The following SLC35D1 variants were observed in gnomAD, a reference collection of about 807,000 sequenced individuals.
The protein encoded by SLC35D1 is nucleotide sugar transporter SLC35D1.
A neutral mutation model predicts 46.7 loss-of-function variants in SLC35D1; 31 were observed. The ratio of observed to expected loss-of-function variants is 0.66; its 90% confidence interval spans 0.50 to 0.90. The LOEUF is 0.90. SLC35D1 is among the 40% of genes least tolerant of loss of function. The probability of loss-of-function intolerance (pLI) is 0.00; values close to 1 mark genes in which losing one functional copy is unlikely to be tolerated. For missense variants in SLC35D1, 397 were observed against 426.2 expected (o/e 0.93, Z 0.60); for synonymous variants, 195 against 164.6 (o/e 1.18, Z -1.41).
the SLC35D1 span, among the ~76,000 whole-genome samples, chr1:66,974,159 AATT>A: frequency 6.6e-6 from 1 of 151,920 alleles, no homozygotes; most frequent in Non-Finnish European, 1.5e-5. Context: ...GTTCATTCTT[AATT>A]ATTTTGTTGA....
At chr1:67,021,343 C>A (rs1346111255) in intron 9 of SLC35D1, among the ~76,000 whole-genome samples, 192 bp downstream of exon 9, 1 of 152,048 alleles carries the variant, frequency 6.6e-6, no homozygotes. Context: ...TTTTCTTCAT[C>A]CTTCTAAGGT....
the SLC35D1 span, chr1:66,986,018 A>G: frequency 4.0e-6 from 4 of 992,630 alleles, no homozygotes; most frequent in East Asian, 1.1e-4. Context: ...TTTTATATGC[A>G]TCATAAAATT....
At chr1:67,047,905 T>C (rs1456697539) in intron 6 of SLC35D1, among the ~76,000 whole-genome samples, 1 of 152,154 alleles carries the variant, frequency 6.6e-6, no homozygotes, top group Admixed American at 6.5e-5. Context: ...ACTTAAACAA[T>C]AGCTCAATGA....
the SLC35D1 span, among the ~76,000 whole-genome samples, chr1:66,980,439 T>C: frequency 4.2e-3 from 641 of 152,372 alleles, 21 homozygotes; most frequent in Admixed American, 0.04. Flanking sequence ...TAGAAGTTTC[T>C]TGAAGTCAGG....
chr1:67,007,570 A>C (rs945894718), intron 11 of SLC35D1, among the ~76,000 whole-genome samples: 1 of 152,220 alleles, frequency 6.6e-6, no homozygotes, highest in Non-Finnish European at 1.5e-5. Flanking sequence ...CATCTTTATT[A>C]CTGACTCGAT....
chr1:67,053,702 A>G, intron 1 of SLC35D1, 109 bp downstream of exon 1: 1 of 1,128,608 alleles, frequency 8.9e-7, no homozygotes, highest in Non-Finnish European at 1.2e-6. Flanking sequence ...CTCCCGCCCA[A>G]CTTTGTTCGG....
chr1:67,025,959 C>T (rs1414174792), intron 8 of SLC35D1, among the ~76,000 whole-genome samples: 1 of 152,110 alleles, frequency 6.6e-6, no homozygotes, highest in African/African-American at 2.4e-5. Context: ...AGATTTTCTA[C>T]ATATATCATC....
intron 1 of SLC35D1, 108 bp from the exon 2 acceptor site, chr1:67,053,097 A>G: frequency 3.9e-6 from 5 of 1,269,156 alleles, no homozygotes; most frequent in Admixed American, 2.0e-5. Flanking sequence ...TACAAGCCAC[A>G]TCAACGTCCG....
chr1:67,029,469 T>C (rs1208780584), intron 8 of SLC35D1, among the ~76,000 whole-genome samples: 1 of 152,208 alleles, frequency 6.6e-6, no homozygotes, highest in Non-Finnish European at 1.5e-5. Context: ...CACAATAAAC[T>C]GGCCTACGAC....
the SLC35D1 span, chr1:66,985,848 T>A: frequency 1.2e-6 from 1 of 809,564 alleles, no homozygotes; most frequent in Non-Finnish European, 1.5e-6. Flanking sequence ...AAATTTCTAC[T>A]TAAGGGCAAG....
intron 8 of SLC35D1, among the ~76,000 whole-genome samples, chr1:67,035,257 G>A (rs1014383648): frequency 2.0e-5 from 3 of 152,118 alleles, no homozygotes; most frequent in Non-Finnish European, 4.4e-5. Context: ...TTTTGGAATA[G>A]TTTCAGTAAG....
chr1:67,025,281 G>T (rs1667894257), intron 8 of SLC35D1, among the ~76,000 whole-genome samples: 1 of 152,264 alleles, frequency 6.6e-6, no homozygotes, highest in Non-Finnish European at 1.5e-5. Flanking sequence ...CACAGTCAAG[G>T]TTCACTATTT....
Position 67,020,381 on chromosome 1 carries a change from A to G in SLC35D1, c.864T>C (p.Val288=). 6.2e-7 allele frequency: 1 copy of G among 1,602,636 alleles called. No individual in the cohort carries two copies. Residue 288 remains valine, a synonymous_variant, in exon 10 of 12, where the codon GTT becomes GTC. Transcript: ENST00000235345. ...QYNSALTTTI[V]GCIKNILITY... ...TTTTTCTACTTACCTTAATACAGCC[A>G]ACTATTGTAGTTGTAAGAGCAGAAT...
intron 6 of SLC35D1, among the ~76,000 whole-genome samples, chr1:67,049,191 G>A (rs941749921): frequency 2.0e-5 from 3 of 152,116 alleles, no homozygotes; most frequent in Non-Finnish European, 4.4e-5. Flanking sequence ...CTACTCGGGA[G>A]GCTGAGGCAG....
intron 1 of SLC35D1, 103 bp downstream of exon 1, chr1:67,053,708 T>C (rs1645337380): frequency 1.8e-6 from 2 of 1,139,032 alleles, no homozygotes; most frequent in East Asian, 7.0e-5. Flanking sequence ...CCCAACTTTG[T>C]TCGGCTTTAA....
intron 8 of SLC35D1, among the ~76,000 whole-genome samples, chr1:67,024,754 CT>C (rs1372126620): frequency 6.6e-6 from 1 of 151,994 alleles, no homozygotes; most frequent in South Asian, 2.1e-4. Context: ...GCCCCCCAAC[CT>C]TTTTTTTAAG....
At chr1:66,984,757 A>T in the SLC35D1 span, 4 of 1,614,052 alleles carry the variant, frequency 2.5e-6, no homozygotes, top group Non-Finnish European at 3.4e-6. Flanking sequence ...AAGAAATGAA[A>T]ATGATTTTGA....
At chr1:67,053,743 C>G in intron 1 of SLC35D1, 68 bp downstream of exon 1, 2 of 1,356,726 alleles carry the variant, frequency 1.5e-6, no homozygotes, top group Non-Finnish European at 1.9e-6. Context: ...GTCCAGGGAG[C>G]CGGCGCCGCG....
At chr1:66,979,084 G>A in the SLC35D1 span, among the ~76,000 whole-genome samples, 3 of 151,808 alleles carry the variant, frequency 2.0e-5, no homozygotes, top group African/African-American at 7.3e-5. Context: ...TTCAGTTGTA[G>A]CCCCACTGGG....
Sources: allele counts gnomAD v4.1 joint callset (sites outside exome capture counted in the v4.1 genomes callset), GRCh38; gene constraint gnomAD v4.1.1; transcripts MANE v1.5; gene names NCBI Gene and HGNC (gene_info 2026-07-23, HGNC 2026-07-21).